BLTP3B: variants seen among roughly 807,000 people sequenced by gnomAD.
The protein encoded by BLTP3B is UHRF1 (ICBP90) binding protein 1-like.
chr12:100,134,458 T>TA, the BLTP3B span, among the ~76,000 whole-genome samples: 8 of 150,672 alleles, frequency 5.3e-5, no homozygotes, highest in Non-Finnish European at 8.9e-5. Flanking sequence ...ATAAAAAATG[T>TA]AAAAAAAAAT....
chr12:100,086,556 G>A, the BLTP3B span, among the ~76,000 whole-genome samples: 1 of 152,140 alleles, frequency 6.6e-6, no homozygotes, highest in Non-Finnish European at 1.5e-5. Context: ...TAAGGCACCA[G>A]GATAAAAGGT....
the BLTP3B span, chr12:100,059,843 A>G: frequency 6.2e-7 from 1 of 1,603,756 alleles, no homozygotes. Context: ...ACTTGTTTGT[A>G]TGATACCTTT....
At chr12:100,044,654 G>A in the BLTP3B span, among the ~76,000 whole-genome samples, 1 of 152,038 alleles carries the variant, frequency 6.6e-6, no homozygotes, top group African/African-American at 2.4e-5. Context: ...CAAAAGAAGT[G>A]GAAGAACTCA....
the BLTP3B span, chr12:100,086,402 C>G: frequency 1.6e-6 from 2 of 1,288,804 alleles, no homozygotes; most frequent in East Asian, 2.7e-5. Flanking sequence ...AGTCAATTAT[C>G]AGAAAGATTT....
chr12:100,072,556 T>G, the BLTP3B span: 1 of 945,386 alleles, frequency 1.1e-6, no homozygotes, highest in Non-Finnish European at 1.4e-6. Context: ...AAACTAATAA[T>G]AAATAAGGAA....
the BLTP3B span, among the ~76,000 whole-genome samples, chr12:100,122,809 C>T: frequency 6.6e-6 from 1 of 152,122 alleles, no homozygotes; most frequent in Non-Finnish European, 1.5e-5. Context: ...ACCCCAAACT[C>T]CCCAAAAGCC....
the BLTP3B span, chr12:100,047,701 A>T: frequency 4.0e-6 from 5 of 1,248,204 alleles, no homozygotes; most frequent in African/African-American, 6.0e-5. Context: ...AATGAGTTAA[A>T]GATAACACAT....
the BLTP3B span, chr12:100,097,440 T>G: frequency 1.2e-6 from 2 of 1,613,602 alleles, no homozygotes; most frequent in Non-Finnish European, 1.7e-6. Flanking sequence ...TTTCAAGATG[T>G]GAACTTTGGG....
At chr12:100,039,232 C>A in the BLTP3B span, among the ~76,000 whole-genome samples, 3 of 149,000 alleles carry the variant, frequency 2.0e-5, no homozygotes, top group Admixed American at 6.7e-5. Context: ...TGATAGCATA[C>A]CCAAAACCAT....
the BLTP3B span, among the ~76,000 whole-genome samples, chr12:100,080,349 CTT>C: frequency 5.6e-4 from 79 of 141,090 alleles, no homozygotes; most frequent in African/African-American, 1.0e-3. Flanking sequence ...GAACCCATCT[CTT>C]TTTTTTTTTT....
the BLTP3B span, among the ~76,000 whole-genome samples, chr12:100,137,397 C>A: frequency 6.6e-6 from 1 of 152,170 alleles, no homozygotes; most frequent in Non-Finnish European, 1.5e-5. Context: ...CATTCAGGCA[C>A]CAAATCCTGC....
the BLTP3B span, among the ~76,000 whole-genome samples, chr12:100,075,778 C>T: frequency 5.3e-5 from 8 of 152,106 alleles, no homozygotes; most frequent in South Asian, 2.1e-4. Context: ...AAATGTAAAT[C>T]GAAACCACAG....
At chr12:100,090,042 G>A in the BLTP3B span, among the ~76,000 whole-genome samples, 2 of 152,130 alleles carry the variant, frequency 1.3e-5, no homozygotes, top group East Asian at 1.9e-4. Flanking sequence ...CTTTCACCAC[G>A]ATTACGAGGC....
chr12:100,095,232 C>A, the BLTP3B span, among the ~76,000 whole-genome samples: 3 of 152,104 alleles, frequency 2.0e-5, no homozygotes, highest in Non-Finnish European at 4.4e-5. Flanking sequence ...CTGTTCTTGC[C>A]CCAGCCATCA....
the BLTP3B span, among the ~76,000 whole-genome samples, chr12:100,052,771 T>C: frequency 6.6e-6 from 1 of 150,796 alleles, no homozygotes; most frequent in Non-Finnish European, 1.5e-5. Flanking sequence ...ATCTATGTTG[T>C]TGTTATTTTT....
the BLTP3B span, among the ~76,000 whole-genome samples, chr12:100,050,875 A>G: frequency 1.3e-5 from 2 of 152,178 alleles, no homozygotes; most frequent in Non-Finnish European, 2.9e-5. Context: ...CCACTCCTCA[A>G]TATGAATAAA....
the BLTP3B span, among the ~76,000 whole-genome samples, chr12:100,080,298 T>C: frequency 6.6e-6 from 1 of 151,698 alleles, no homozygotes; most frequent in Admixed American, 6.6e-5. Context: ...AGGAAGGCTG[T>C]ATCCTGCAAA....
At chr12:100,130,597 T>C in the BLTP3B span, among the ~76,000 whole-genome samples, 42 of 152,284 alleles carry the variant, frequency 2.8e-4, no homozygotes, top group African/African-American at 1.0e-3. Flanking sequence ...ATTTCAGTTA[T>C]ATATAAAGTT....
the BLTP3B span, among the ~76,000 whole-genome samples, chr12:100,102,260 G>T: frequency 6.6e-6 from 1 of 151,908 alleles, no homozygotes. Flanking sequence ...AAGGTGCATG[G>T]CGCCATGCCC....
Sources: allele counts gnomAD v4.1 joint callset (sites outside exome capture counted in the v4.1 genomes callset), GRCh38; gene constraint gnomAD v4.1.1; transcripts MANE v1.5; gene names NCBI Gene and HGNC (gene_info 2026-07-23, HGNC 2026-07-21).